AGBL1: variants seen among roughly 807,000 people sequenced by gnomAD.
AGBL1 encodes AGBL carboxypeptidase 1.
AGBL1 carries 130 observed loss-of-function variants against 118.9 expected under a neutral mutation model. The ratio of observed to expected loss-of-function variants is 1.09; its 90% CI spans 0.95 to 1.26. The LOEUF is 1.26. Among genes scored for constraint, AGBL1 ranks in the 50% most tolerant of loss-of-function variants. AGBL1 has a pLI of 0.00. For synonymous variants in AGBL1, 555 were observed against 478.9 expected (o/e 1.16, Z -2.08); for missense variants, 1,584 against 1,298.1 (o/e 1.22, Z -3.38).
At chr15:86,153,992 C>T (rs1275565667) in intron 3 of AGBL1, among the ~76,000 whole-genome samples, 1 of 152,106 alleles carries the variant, frequency 6.6e-6, no homozygotes, top group Admixed American at 6.6e-5. Flanking sequence ...TCCAATTTCT[C>T]CAAATGTTCC....
chr15:86,880,360 A>C (rs2079873432), intron 22 of AGBL1, among the ~76,000 whole-genome samples: 1 of 152,220 alleles, frequency 6.6e-6, no homozygotes, highest in Non-Finnish European at 1.5e-5. Context: ...TTAATAAAAT[A>C]ATCAGGATTA....
At chr15:86,999,573 T>C (rs1186379407) in intron 24 of AGBL1, among the ~76,000 whole-genome samples, 4 of 149,190 alleles carry the variant, frequency 2.7e-5, no homozygotes, top group Non-Finnish European at 4.4e-5. Context: ...TTTTTATGGC[T>C]GCATAGTATT....
chr15:86,626,861 A>G (rs1369744243), intron 21 of AGBL1, among the ~76,000 whole-genome samples: 3 of 145,890 alleles, frequency 2.1e-5, no homozygotes, highest in Admixed American at 6.9e-5. Flanking sequence ...TTTTTGAGAC[A>G]AAGTCTTACT....
At chr15:86,341,892 T>C (rs1384667565) in intron 17 of AGBL1, among the ~76,000 whole-genome samples, 2 of 152,132 alleles carry the variant, frequency 1.3e-5, no homozygotes, top group Admixed American at 1.3e-4. Flanking sequence ...ATTTTAGAAT[T>C]TACTGTAAAA....
intron 17 of AGBL1, among the ~76,000 whole-genome samples, chr15:86,394,297 C>A (rs983200809): frequency 1.3e-5 from 2 of 152,104 alleles, no homozygotes; most frequent in Non-Finnish European, 2.9e-5. Flanking sequence ...TAAAGCACAG[C>A]CTTTGGCATA....
chr15:86,686,513 C>T (rs1254439540), intron 22 of AGBL1, among the ~76,000 whole-genome samples: 1 of 148,796 alleles, frequency 6.7e-6, no homozygotes, highest in Non-Finnish European at 1.5e-5. Context: ...TCTCGGCTCA[C>T]TGCAACCTCT....
At chr15:86,237,638 C>A (rs1004187497) in intron 6 of AGBL1, among the ~76,000 whole-genome samples, 1 of 152,110 alleles carries the variant, frequency 6.6e-6, no homozygotes, top group East Asian at 1.9e-4. Context: ...GTACTTCCTT[C>A]CCCACCCACA....
At chr15:86,565,899 C>T (rs1436873087) in intron 21 of AGBL1, among the ~76,000 whole-genome samples, 8 of 152,334 alleles carry the variant, frequency 5.3e-5, no homozygotes, top group African/African-American at 1.4e-4. Flanking sequence ...TAGCAATGAG[C>T]GAGGCTCCAT....
intron 23 of AGBL1, among the ~76,000 whole-genome samples, chr15:86,953,030 A>G (rs2080895317): frequency 6.6e-6 from 1 of 152,042 alleles, no homozygotes; most frequent in South Asian, 2.1e-4. Flanking sequence ...CCATTGGTCT[A>G]TGTGCCTGTT....
intron 18 of AGBL1, among the ~76,000 whole-genome samples, chr15:86,472,673 T>C (rs374981116): frequency 1.3e-5 from 2 of 152,314 alleles, no homozygotes; most frequent in East Asian, 3.9e-4. Flanking sequence ...AATCCCAGTA[T>C]TTTGGGAGGC....
At chr15:86,215,417 T>C (rs918409267) in intron 5 of AGBL1, among the ~76,000 whole-genome samples, 1 of 152,148 alleles carries the variant, frequency 6.6e-6, no homozygotes, top group African/African-American at 2.4e-5. Context: ...TCACTTTCTT[T>C]TTCCGCTGCA....
intron 5 of AGBL1, among the ~76,000 whole-genome samples, chr15:86,215,058 C>T (rs2078161916): frequency 6.6e-6 from 1 of 152,120 alleles, no homozygotes; most frequent in Non-Finnish European, 1.5e-5. Context: ...CATTTCTGCA[C>T]CATATGTTTA....
chr15:86,264,838 G>A lies in AGBL1; in HGVS notation c.1667G>A (p.Arg556Lys). The change falls in exon 11 of 23, where the codon AGG (arginine) becomes AAG (lysine). Residue 556 changes from arginine (R) to lysine (K), a missense_variant and splice_region_variant. Arg to Lys is a conservative substitution (Grantham distance 26, BLOSUM62 2). Transcript: ENST00000614907. ...TTGGAACGAAAATGTGGAGTCCAAA[G>A]GTGATGGCGCTACTGACTTGGGAGC... ...PMLERKCGVQ[R>K]IRIFEDIRRL... 6.3e-7 allele frequency: 1 copy of A among 1,584,234 alleles called. No individual in the cohort carries two copies. The highest frequency in any genetic ancestry group is 8.6e-7 in the Non-Finnish European group (1 of 1,169,266).
chr15:86,962,659 T>A (rs1273137998), intron 23 of AGBL1, among the ~76,000 whole-genome samples: 1 of 152,072 alleles, frequency 6.6e-6, no homozygotes, highest in Non-Finnish European at 1.5e-5. Context: ...CAGAAGATAT[T>A]TTCTTTCCAT....
At position 86,667,230 on chromosome 15, in the gene AGBL1, G is replaced by GTATCTATCTATCTATC. The variant is rs1168447837; in HGVS notation, c.2995-7040_2995-7039insCTATCTATCTATCTAT. 4.1e-5 allele frequency among the ~76,000 whole-genome samples: 6 copies of GTATCTATCTATCTATC among 145,168 alleles called. No homozygotes were observed. The East Asian group carries it at 1.1e-3, about 26-fold the overall frequency. The stretch of plus-strand genomic sequence containing the variant: ...TGTATGTATCTATGTATGTATGTAT[G>GTATCTATCTATCTATC]TATGTATGTATGTATGTATGTATGT... On this transcript the variant is annotated intron_variant, in intron 21 of 22. Coordinates refer to ENST00000614907, the MANE Select transcript of AGBL1 (RefSeq NM_001386094.1).
At chr15:86,982,927 A>G (rs2081246288) in intron 23 of AGBL1, among the ~76,000 whole-genome samples, 1 of 152,288 alleles carries the variant, frequency 6.6e-6, no homozygotes, top group African/African-American at 2.4e-5. Context: ...GATCAGCTGT[A>G]TATTCTTGAG....
intron 5 of AGBL1, among the ~76,000 whole-genome samples, chr15:86,208,766 A>T (rs758465663): frequency 1.3e-5 from 2 of 152,168 alleles, no homozygotes; most frequent in African/African-American, 4.8e-5. Context: ...TTTTCAAAAA[A>T]ACAGCTCCTG....
chr15:86,141,198 T>C (rs1486511770), intron 1 of AGBL1, among the ~76,000 whole-genome samples: 2 of 152,212 alleles, frequency 1.3e-5, no homozygotes, highest in Non-Finnish European at 2.9e-5. Context: ...TAACAGAGGA[T>C]AGAGTATCAA....
At chr15:86,749,421 G>T (rs2077812632) in intron 22 of AGBL1, among the ~76,000 whole-genome samples, 1 of 152,064 alleles carries the variant, frequency 6.6e-6, no homozygotes, top group South Asian at 2.1e-4. Context: ...CTGAGACAAT[G>T]GGGTTTTCTA....
Sources: allele counts gnomAD v4.1 joint callset (sites outside exome capture counted in the v4.1 genomes callset), GRCh38; gene constraint gnomAD v4.1.1; transcripts MANE v1.5; gene names NCBI Gene and HGNC (gene_info 2026-07-23, HGNC 2026-07-21).